The following PRUNE2 variants were observed in gnomAD, a reference collection of about 807,000 sequenced individuals.
The protein encoded by PRUNE2 is protein prune homolog 2.
A neutral mutation model predicts 252.0 loss-of-function variants in PRUNE2; 164 were observed. The ratio of observed to expected loss-of-function variants is 0.65; its 90% CI spans 0.57 to 0.74. The LOEUF is 0.74. Ranked by LOEUF, PRUNE2 falls within the 30% of genes least tolerant of loss-of-function variation. The pLI, the probability that PRUNE2 is intolerant of heterozygous loss-of-function variation, is 0.00. For synonymous variants in PRUNE2, 1,292 were observed against 1,350.2 expected (o/e 0.96, Z 0.94); for missense variants, 3,495 against 3,711.0 (o/e 0.94, Z 1.51).
At position 76,690,309 on chromosome 9, in the gene PRUNE2, A is replaced by T. The variant is rs145247198; in HGVS notation, c.8276+13028T>A. Among the ~76,000 whole-genome samples the T allele has an allele frequency of 1.8e-3, 280 of 152,340 alleles. 2 individuals carry two copies. The highest frequency in any genetic ancestry group is 6.3e-3 in the African/African-American group (261 of 41,584). ...TACTACTCTGGCAGGAACTTGGTTC[A>T]TGTAAAGCCTCTGCCTGCAAAATCT... On this transcript the variant is annotated intron_variant, in intron 9 of 18. Coordinates refer to ENST00000376718, the MANE Select transcript of PRUNE2 (RefSeq NM_015225.3).
At chr9:76,886,594 A>G (rs912153652) in intron 1 of PRUNE2, among the ~76,000 whole-genome samples, 9 of 152,136 alleles carry the variant, frequency 5.9e-5, no homozygotes, top group African/African-American at 2.2e-4. Flanking sequence ...CCAGCAAACC[A>G]CACAACTTCC....
chr9:76,827,672 A>T (rs73653217), intron 4 of PRUNE2, among the ~76,000 whole-genome samples: 21,700 of 152,146 alleles, frequency 0.14, 1,570 homozygotes, highest in Non-Finnish European at 0.15. Flanking sequence ...AAGGGGAAAT[A>T]AAGCATCCAG....
intron 6 of PRUNE2, among the ~76,000 whole-genome samples, chr9:76,756,327 C>T (rs1358543352): frequency 6.6e-6 from 1 of 152,218 alleles, no homozygotes; most frequent in East Asian, 1.9e-4. Context: ...TCTGTATATC[C>T]TGGATCACTT....
intron 15 of PRUNE2, among the ~76,000 whole-genome samples, chr9:76,632,388 C>T (rs1158148259): frequency 1.3e-5 from 2 of 152,176 alleles, no homozygotes; most frequent in African/African-American, 4.8e-5. Flanking sequence ...TTTAAAGAGG[C>T]TCCTACATGA....
chr9:76,881,116 C>T lies in PRUNE2; in HGVS notation c.36+24812G>A, dbSNP rs138409925. ...CCAAGTACCTGGGACTACAGGCGTG[C>T]GCCACCATACCCAGCTAATTTTTGT... On this transcript the variant is annotated intron_variant, in intron 1 of 18. Transcript: ENST00000376718. 1.5e-3 allele frequency among the ~76,000 whole-genome samples: 226 copies of T among 152,080 alleles called. 1 individual carries two copies. In the East Asian group the frequency reaches 0.028, roughly 19 times the overall value.
chr9:76,680,830 C>T (rs1270097079), intron 9 of PRUNE2, among the ~76,000 whole-genome samples: 3 of 152,042 alleles, frequency 2.0e-5, no homozygotes, highest in Non-Finnish European at 2.9e-5. Context: ...TCTTACATGG[C>T]AATAGAAGAG....
rs963485202 is a variant in PRUNE2, at chr9:76,888,531, C to T, written c.36+17397G>A. Reference sequence around the variant, plus strand: ...GGTGGAGGTTGCAGTGAGCCGAGGTCGCACCACTGCACTTCAGCCTGGGTG... The same window carrying T: ...GGTGGAGGTTGCAGTGAGCCGAGGTTGCACCACTGCACTTCAGCCTGGGTG... On this transcript the variant is annotated intron_variant, in intron 1 of 18. Transcript: ENST00000376718. Among the ~76,000 whole-genome samples, 16 of 151,490 alleles carry T rather than the reference C, an allele frequency of 1.1e-4. 1 individual carries two copies. Among genetic ancestry groups the T allele is most frequent in the African/African-American group, 3.1e-4 (13 of 41,308 alleles).
At chr9:76,841,541 G>C (rs1285822669) in intron 4 of PRUNE2, among the ~76,000 whole-genome samples, 1 of 152,218 alleles carries the variant, frequency 6.6e-6, no homozygotes, top group Non-Finnish European at 1.5e-5. Context: ...CCACCCCATG[G>C]AGCCCAGCAA....
chr9:76,658,137 T>C (rs1043942544), intron 9 of PRUNE2, among the ~76,000 whole-genome samples: 2 of 152,038 alleles, frequency 1.3e-5, no homozygotes, highest in African/African-American at 4.8e-5. Flanking sequence ...GGCGGGTGGG[T>C]CACCTGATAT....
intron 6 of PRUNE2, among the ~76,000 whole-genome samples, chr9:76,745,753 T>C (rs993153910): frequency 7.9e-5 from 12 of 152,240 alleles, no homozygotes; most frequent in Non-Finnish European, 1.3e-4. Context: ...TCCCCTGCTT[T>C]GATAAATTGG....
intron 11 of PRUNE2, among the ~76,000 whole-genome samples, chr9:76,651,618 AT>A (rs1388328386): frequency 2.0e-5 from 3 of 152,236 alleles, no homozygotes; most frequent in Admixed American, 6.5e-5. Flanking sequence ...TTAAAAAAAA[AT>A]GATTGTATTT....
intron 6 of PRUNE2, among the ~76,000 whole-genome samples, chr9:76,752,444 A>G (rs1564215303): frequency 6.6e-6 from 1 of 152,120 alleles, no homozygotes; most frequent in Non-Finnish European, 1.5e-5. Context: ...GCAGGCAGTT[A>G]CAAAGCCGGG....
chr9:76,650,413 T>C (rs888678682), intron 11 of PRUNE2, among the ~76,000 whole-genome samples: 2 of 152,136 alleles, frequency 1.3e-5, no homozygotes, highest in Admixed American at 6.6e-5. Context: ...TAAAAACCCC[T>C]ATTTTGTTTA....
Position 76,709,207 on chromosome 9 carries a change from T to G in PRUNE2, c.3067A>C (p.Ile1023Leu). The G allele has an allele frequency of 8.6e-7, 1 of 1,158,484 alleles. No homozygotes were observed. The highest frequency in any genetic ancestry group is 1.2e-6 in the Non-Finnish European group (1 of 805,342). 71.8% of individuals were successfully genotyped at this position (1,158,484 alleles called of 1,614,324 possible). ...QSLQQSSRNRISSGPGNLDMW... is the reference protein window; with the variant it reads ...QSLQQSSRNRLSSGPGNLDMW... The stretch of plus-strand genomic sequence containing the variant: ...TCTAGGTTCCCAGGACCTGAACTGA[T>G]TCGATTTCGAGATGACTGTTGCAGT... Residue 1023 changes from isoleucine to leucine, a missense_variant, in exon 8 of 19, where the codon ATC becomes CTC. Transcript: ENST00000376718.
In PRUNE2 at chr9:76,705,423, G is replaced by C. The variant is rs3739522; in HGVS notation, c.6851C>G (p.Ala2284Gly). ...CAGACAAGTGTCTGAGGCTAGCAAA[G>C]CATCAGGAACCAAGGCAGGATTCTC... ...STENPALVPDALLASDTCLDI... is the reference protein window; with the variant it reads ...STENPALVPDGLLASDTCLDI... Residue 2284 changes from alanine to glycine, a missense_variant, in exon 8 of 19, where the codon GCT (alanine) becomes GGT (glycine). Ala to Gly is a moderately conservative substitution (Grantham distance 60, BLOSUM62 0). Coordinates refer to ENST00000376718, the MANE Select transcript of PRUNE2 (RefSeq NM_015225.3). 8.1e-6 allele frequency: 13 copies of C among 1,613,822 alleles called. No individual in the cohort carries two copies. The East Asian group carries it at 2.0e-4, about 25-fold the overall frequency.
chr9:76,903,468 G>C (rs903981086), intron 1 of PRUNE2, among the ~76,000 whole-genome samples: 10 of 151,870 alleles, frequency 6.6e-5, no homozygotes, highest in African/African-American at 2.4e-4. Flanking sequence ...TTAAAACATA[G>C]CTCCTACATT....
rs1250668361 is a variant in PRUNE2 at position 76,707,393 on chromosome 9, G to A, written c.4881C>T (p.Asp1627=). The A allele has an allele frequency of 6.2e-7, 1 of 1,613,998 alleles. No homozygotes were observed. The highest frequency in any genetic ancestry group is 8.5e-7 in the Non-Finnish European group (1 of 1,179,848). ...AGGAAAAGGAATCACCATCAACTGA[G>A]TCATTCCAGATCTCTAAAAATGTAG... is the stretch of plus-strand genomic sequence containing the variant. ...KTPTFLEIWN[D]SVDGDSFSSL... The change falls in exon 8 of 19, where the codon GAC becomes GAT. Residue 1627 remains aspartate (D), a synonymous_variant. Transcript: ENST00000376718.
At chr9:76,877,699 A>G (rs77474412) in intron 1 of PRUNE2, among the ~76,000 whole-genome samples, 1,749 of 152,332 alleles carry the variant, frequency 0.011, 15 homozygotes, top group Middle Eastern at 0.034. Flanking sequence ...TACAGTAATC[A>G]AGCATCGGTG....
At chr9:76,804,953 G>A (rs2056829822) in intron 6 of PRUNE2, among the ~76,000 whole-genome samples, 1 of 152,186 alleles carries the variant, frequency 6.6e-6, no homozygotes, top group South Asian at 2.1e-4. Flanking sequence ...TGGATACAGT[G>A]GCTCACGCCT....
Sources: gnomAD v4.1 joint callset for allele counts (sites outside exome capture counted in the v4.1 genomes callset) on GRCh38, gnomAD v4.1.1 for gene constraint, MANE v1.5 for transcripts, NCBI Gene and HGNC (gene_info 2026-07-23, HGNC 2026-07-21) for gene names.